The following GPR158 variants were observed in gnomAD, a reference collection of about 807,000 sequenced individuals.
GPR158 encodes G protein-coupled receptor 158.
A neutral mutation model predicts 78.2 loss-of-function variants in GPR158; 30 were observed. The ratio of observed to expected loss-of-function variants is 0.38; its 90% CI spans 0.29 to 0.52. The LOEUF (loss-of-function observed/expected upper bound fraction) is 0.52, where lower values mean the gene tolerates loss of function less well. Among genes scored for constraint, GPR158 ranks in the 20% least tolerant of loss-of-function variants. The probability of loss-of-function intolerance (pLI) is 0.83; values close to 1 mark genes in which losing one functional copy is unlikely to be tolerated. For missense variants in GPR158, 1,463 were observed against 1,523.5 expected, an observed-to-expected ratio of 0.96 and a Z score of 0.66; for synonymous variants, 581 against 591.1, an observed-to-expected ratio of 0.98 and a Z score of 0.25.
Position 25,525,240 on chromosome 10 carries a change from C to T in GPR158, c.1405-25736C>T, listed in dbSNP as rs74947738. Among the ~76,000 whole-genome samples, 545 of 152,246 alleles carry T rather than the reference C, an allele frequency of 3.6e-3. 1 individual carries two copies. Among genetic ancestry groups the T allele is most frequent in the African/African-American group, 0.011 (469 of 41,556 alleles). ...TTGAAAATTTTCTCAAAATGTTAAG[C>T]AGAGTTACCATATGACTCAGCAATG... On this transcript the variant is annotated intron_variant, in intron 5 of 10. Coordinates refer to ENST00000376351, the MANE Select transcript of GPR158 (RefSeq NM_020752.3).
chr10:25,242,919 C>T (rs1250769940), intron 2 of GPR158, among the ~76,000 whole-genome samples: 1 of 152,148 alleles, frequency 6.6e-6, no homozygotes, highest in Non-Finnish European at 1.5e-5. Context: ...ACCTATTGCT[C>T]CACTAAAATA....
chr10:25,264,427 C>T (rs779414851), intron 2 of GPR158, among the ~76,000 whole-genome samples: 1 of 152,130 alleles, frequency 6.6e-6, no homozygotes, highest in Non-Finnish European at 1.5e-5. Context: ...ACAGCTATTC[C>T]AGCTATCCCA....
intron 1 of GPR158, among the ~76,000 whole-genome samples, chr10:25,212,990 T>G (rs916649922): frequency 5.3e-5 from 8 of 152,152 alleles, no homozygotes; most frequent in Non-Finnish European, 1.2e-4. Context: ...TTACTGGAGA[T>G]TGTTGTAGAG....
At chr10:25,496,440 A>C (rs1005818480) in intron 5 of GPR158, among the ~76,000 whole-genome samples, 1 of 152,210 alleles carries the variant, frequency 6.6e-6, no homozygotes, top group Non-Finnish European at 1.5e-5. Context: ...TCTCATTCTA[A>C]ACAAATGAAG....
intron 6 of GPR158, among the ~76,000 whole-genome samples, chr10:25,564,317 C>A (rs1448205658): frequency 6.6e-6 from 1 of 152,122 alleles, no homozygotes; most frequent in African/African-American, 2.4e-5. Flanking sequence ...TGAGAATGTT[C>A]CAGGCTTCTA....
chr10:25,595,959 A>C (rs1465419980), intron 9 of GPR158, among the ~76,000 whole-genome samples: 1 of 152,188 alleles, frequency 6.6e-6, no homozygotes. Context: ...ATTGTTATAT[A>C]TCCTTAGAAT....
chr10:25,289,740 A>G (rs1854407828), intron 2 of GPR158, among the ~76,000 whole-genome samples: 1 of 152,152 alleles, frequency 6.6e-6, no homozygotes, highest in African/African-American at 2.4e-5. Context: ...ATGTTTTCTA[A>G]TTGCACATCA....
chr10:25,370,231 G>A (rs1204710256), intron 2 of GPR158, among the ~76,000 whole-genome samples: 2 of 143,650 alleles, frequency 1.4e-5, no homozygotes, highest in African/African-American at 2.6e-5. Context: ...GTTTGCTCTT[G>A]CTTTTCTAGT....
chr10:25,522,534 A>G (rs1836292034), intron 5 of GPR158, among the ~76,000 whole-genome samples: 2 of 152,220 alleles, frequency 1.3e-5, no homozygotes, highest in Admixed American at 6.5e-5. Flanking sequence ...GACTAATGAG[A>G]AAAGGGATCT....
At chr10:25,365,981 T>C (rs1855716950) in intron 2 of GPR158, among the ~76,000 whole-genome samples, 1 of 151,704 alleles carries the variant, frequency 6.6e-6, no homozygotes, top group Admixed American at 6.6e-5. Context: ...TATTATATAA[T>C]TTAGCATATA....
intron 5 of GPR158, among the ~76,000 whole-genome samples, chr10:25,519,202 C>A (rs1335766781): frequency 9.5e-6 from 1 of 105,114 alleles, no homozygotes; most frequent in African/African-American, 4.0e-5. Flanking sequence ...CAACCCCTGC[C>A]TTTTTTTGTT....
chr10:25,468,702 G>T (rs1305400249), intron 5 of GPR158, among the ~76,000 whole-genome samples: 1 of 152,204 alleles, frequency 6.6e-6, no homozygotes, highest in African/African-American at 2.4e-5. Flanking sequence ...CCAGTAACAT[G>T]TCTGAAACCA....
chr10:25,478,527 T>TGTAG (rs969748676), intron 5 of GPR158, among the ~76,000 whole-genome samples: 7 of 149,092 alleles, frequency 4.7e-5, no homozygotes, highest in African/African-American at 1.8e-4. Flanking sequence ...TGTGTGTGTG[T>TGTAG]AGAGAGAAGA....
At chr10:25,227,764 CTT>C (rs1329578793) in intron 2 of GPR158, among the ~76,000 whole-genome samples, 1 of 152,122 alleles carries the variant, frequency 6.6e-6, no homozygotes, top group Non-Finnish European at 1.5e-5. Context: ...TACCAATTGA[CTT>C]TAACTTTTTT....
intron 2 of GPR158, among the ~76,000 whole-genome samples, chr10:25,307,716 C>T (rs888132832): frequency 6.6e-6 from 1 of 152,102 alleles, no homozygotes; most frequent in South Asian, 2.1e-4. Context: ...GAAAATAATT[C>T]TCTATCAGTT....
intron 2 of GPR158, among the ~76,000 whole-genome samples, chr10:25,383,769 A>G (rs1255817391): frequency 6.6e-6 from 1 of 152,228 alleles, no homozygotes; most frequent in Non-Finnish European, 1.5e-5. Context: ...AAAAAAGTTG[A>G]AACAATCAAA....
intron 1 of GPR158, among the ~76,000 whole-genome samples, chr10:25,215,431 G>C (rs772077207): frequency 3.3e-5 from 5 of 152,176 alleles, no homozygotes; most frequent in Non-Finnish European, 7.4e-5. Context: ...GACGAAAAGA[G>C]TTCTCAAGAT....
At chr10:25,533,396 A>G (rs911723684) in intron 5 of GPR158, among the ~76,000 whole-genome samples, 3 of 152,274 alleles carry the variant, frequency 2.0e-5, no homozygotes, top group African/African-American at 4.8e-5. Context: ...GGACTTATAT[A>G]TATTTTAAAC....
At chr10:25,295,042 T>C (rs1420011493) in intron 2 of GPR158, among the ~76,000 whole-genome samples, 1 of 136,424 alleles carries the variant, frequency 7.3e-6, no homozygotes. Flanking sequence ...CATTAGGAGA[T>C]TTTCTTTACC....
Sources: gnomAD v4.1 joint callset for allele counts (sites outside exome capture counted in the v4.1 genomes callset) on GRCh38, gnomAD v4.1.1 for gene constraint, MANE v1.5 for transcripts, NCBI Gene and HGNC (gene_info 2026-07-23, HGNC 2026-07-21) for gene names.